SAV1: variants seen among roughly 807,000 people sequenced by gnomAD.
The protein encoded by SAV1 is salvador family WW domain containing protein 1.
SAV1 carries 23 observed loss-of-function variants against 47.3 expected under a neutral mutation model. That is an observed-to-expected ratio of 0.49 (90% CI 0.35 to 0.69). The LOEUF (loss-of-function observed/expected upper bound fraction) is 0.69. SAV1 is among the 30% of genes least tolerant of loss of function. SAV1 has a pLI of 0.01. For synonymous variants in SAV1, 155 were observed against 159.2 expected, an observed-to-expected ratio of 0.97 and a Z score of 0.20; for missense variants, 448 against 457.4, an observed-to-expected ratio of 0.98 and a Z score of 0.19.
In SAV1 at chr14:50,635,221, G is replaced by A. The variant is rs753573845; in HGVS notation, c.1114C>T (p.Gln372Ter). The change falls in exon 5 of 5, where the codon CAG (glutamine) becomes TAG (stop). Residue 372 changes from glutamine (Q) to a stop codon, truncating the protein, a stop_gained. Coordinates refer to ENST00000324679, the MANE Select transcript of SAV1 (RefSeq NM_021818.4). LOFTEE classifies it high-confidence loss of function. ...CCATGTTGTTGGGCATACCACTGCT[G>A]TCTCTGCTTTCGGTTTTCCAACTCT... is the stretch of plus-strand genomic sequence containing the variant. ...LTELENRKQR[Q>*]QWYAQQHGKN... 3.4e-5 allele frequency: 55 copies of A among 1,613,970 alleles called. No homozygotes were observed. The highest frequency in any genetic ancestry group is 4.5e-5 in the Non-Finnish European group (53 of 1,180,014).
At chr14:50,654,741 G>A (rs1199302645) in intron 2 of SAV1, among the ~76,000 whole-genome samples, 1 of 152,148 alleles carries the variant, frequency 6.6e-6, no homozygotes, top group Non-Finnish European at 1.5e-5. Context: ...ATCATTAATG[G>A]CTGCCAAAAA....
At position 50,645,362 on chromosome 14, in the gene SAV1, G is replaced by A. The variant is rs371736252; in HGVS notation, c.536-348C>T. On this transcript the variant is annotated intron_variant, in intron 2 of 4. Transcript: ENST00000324679. Reference sequence around the variant, plus strand: ...TTCGAGAGCTGACATGTTGCCACAAGCAGAAAATTCCACACCTGACCTTAT... The same window carrying A: ...TTCGAGAGCTGACATGTTGCCACAAACAGAAAATTCCACACCTGACCTTAT... Among the ~76,000 whole-genome samples the A allele has an allele frequency of 1.1e-4, 16 of 152,176 alleles. No homozygotes were observed. The East Asian group carries it at 3.1e-3, about 29-fold the overall frequency.
At chr14:50,652,663 CT>C (rs1171595447) in intron 2 of SAV1, among the ~76,000 whole-genome samples, 7 of 152,188 alleles carry the variant, frequency 4.6e-5, no homozygotes, top group Non-Finnish European at 1.0e-4. Flanking sequence ...ACCAGCTCAT[CT>C]TGGAGAAACG....
In SAV1 at chr14:50,644,760, G is replaced by A. The variant is rs773941001; in HGVS notation, c.790C>T (p.His264Tyr). The change falls in exon 3 of 5, where the codon CAT becomes TAT. Residue 264 changes from histidine (H) to tyrosine (Y), a missense_variant. Coordinates refer to ENST00000324679, the MANE Select transcript of SAV1 (RefSeq NM_021818.4). ...DHTNKKAQYR[H>Y]PCAPSVPRYD... ...ATACTGTACCTAGGAGCACAGGGAT[G>A]CCTGTATTGGGCCTTCTTATTTGTG... 2 of 1,613,902 alleles carry A rather than the reference G, an allele frequency of 1.2e-6. No individual in the cohort carries two copies. Among genetic ancestry groups the A allele is most frequent in the Non-Finnish European group, 8.5e-7 (1 of 1,179,798 alleles).
At position 50,649,279 on chromosome 14, in the gene SAV1, C is replaced by T. The variant is rs377724614; in HGVS notation, c.536-4265G>A. Among the ~76,000 whole-genome samples the T allele has an allele frequency of 1.4e-3, 217 of 152,282 alleles. 5 individuals carry two copies. The South Asian group carries it at 0.042, about 29-fold the overall frequency. ...TTTAAAAAGCACTTTAACCTTTTAACTTATGTAATTTTAGTTTGTTTATTT... is the reference window on the plus strand; with the variant it reads ...TTTAAAAAGCACTTTAACCTTTTAATTTATGTAATTTTAGTTTGTTTATTT... On this transcript the variant is annotated intron_variant, in intron 2 of 4. Transcript: ENST00000324679.
chr14:50,660,743 T>C (rs566602836), intron 2 of SAV1, among the ~76,000 whole-genome samples: 1 of 152,308 alleles, frequency 6.6e-6, no homozygotes, highest in Admixed American at 6.5e-5. Flanking sequence ...CCTACCTCTC[T>C]TTACCTCCCC....
rs770563818 is a variant in SAV1, at chr14:50,667,911, C to T, written c.57G>A (p.Gly19=). The change falls in exon 1 of 5, where the codon GGG becomes GGA. Residue 19 remains glycine, a synonymous_variant. Transcript: ENST00000324679. ...NEVSKPAEVQ[G]KYVKKETSPL... is the part of the protein sequence containing the mutation. ...GCGACGTCTCCTTCTTCACGTACTT[C>T]CCCTGCACCTCGGCCGGCTTGGACA... The T allele has an allele frequency of 6.2e-7, 1 of 1,613,182 alleles. No individual in the cohort carries two copies. Among genetic ancestry groups the T allele is most frequent in the Non-Finnish European group, 8.5e-7 (1 of 1,179,542 alleles).
chr14:50,645,706 G>T (rs909467074), intron 2 of SAV1, among the ~76,000 whole-genome samples: 14 of 46,868 alleles, frequency 3.0e-4, no homozygotes, highest in Non-Finnish European at 6.8e-4. Flanking sequence ...AATTTCCCCT[G>T]ATTAAAGATT....
chr14:50,657,024 C>CA (rs1446880026), intron 2 of SAV1, among the ~76,000 whole-genome samples: 1 of 122,250 alleles, frequency 8.2e-6, no homozygotes, highest in Non-Finnish European at 1.7e-5. Context: ...AAAACACTCA[C>CA]TTTTTTTTTT....
At position 50,665,483 on chromosome 14, in the gene SAV1, T is replaced by A; in HGVS notation, c.231A>T (p.Pro77=). The A allele has an allele frequency of 1.2e-6, 2 of 1,614,070 alleles. No homozygotes were observed. The highest frequency in any genetic ancestry group is 1.7e-6 in the Non-Finnish European group (2 of 1,179,934). The stretch of plus-strand genomic sequence containing the variant: ...TTATTTCATGAGGTGTTCTTTGAAT[T>A]GGAGTTCTAAGGAAACTCTGGTTTC... ...VSRNQSFLRT[P]IQRTPHEIMR... The change falls in exon 2 of 5, where the codon CCA becomes CCT. Residue 77 remains proline, a synonymous_variant. Transcript: ENST00000324679.
chr14:50,637,491 G>A (rs1009748293), intron 4 of SAV1, among the ~76,000 whole-genome samples: 1 of 151,980 alleles, frequency 6.6e-6, no homozygotes, highest in Non-Finnish European at 1.5e-5. Context: ...TTTATACCAG[G>A]TGAACTACAA....
chr14:50,653,037 A>C (rs2039782434), intron 2 of SAV1, among the ~76,000 whole-genome samples: 1 of 152,184 alleles, frequency 6.6e-6, no homozygotes, highest in African/African-American at 2.4e-5. Flanking sequence ...AAAAAAAAAG[A>C]AATTGAAAAA....
chr14:50,659,073 ATTT>A lies in SAV1; in HGVS notation c.535+6103_535+6105del, dbSNP rs33946852. 8.8e-3 allele frequency among the ~76,000 whole-genome samples: 1,156 copies of A among 131,108 alleles called. 14 individuals are homozygous for A. Among genetic ancestry groups the A allele is most frequent in the African/African-American group, 0.026 (865 of 33,626 alleles). 86.0% of individuals were successfully genotyped at this position (131,108 alleles called of 152,430 possible). The stretch of plus-strand genomic sequence containing the variant: ...AGCAGTGTATCAACTGCTGTAAAGA[ATTT>A]TTTTTTTTTTTTTTTTTTGGTTGGG... On this transcript the variant is annotated intron_variant, in intron 2 of 4. Coordinates refer to ENST00000324679, the MANE Select transcript of SAV1 (RefSeq NM_021818.4).
intron 2 of SAV1, among the ~76,000 whole-genome samples, chr14:50,663,654 T>G (rs1193502808): frequency 6.6e-6 from 1 of 152,146 alleles, no homozygotes; most frequent in Non-Finnish European, 1.5e-5. Flanking sequence ...AAACTCTAAT[T>G]CTCATTTTTC....
intron 2 of SAV1, among the ~76,000 whole-genome samples, chr14:50,658,941 A>T (rs564341270): frequency 2.0e-5 from 3 of 152,294 alleles, no homozygotes; most frequent in Admixed American, 2.0e-4. Context: ...CTGCAACTTT[A>T]GAGATTCCTT....
intron 3 of SAV1, 77 bp from the exon 4 acceptor site, chr14:50,640,970 C>A: frequency 7.3e-7 from 1 of 1,371,538 alleles, no homozygotes; most frequent in Admixed American, 2.2e-5. Context: ...ACAAATAATA[C>A]TTAAGCATTT....
intron 2 of SAV1, among the ~76,000 whole-genome samples, chr14:50,658,884 G>C (rs1171062921): frequency 6.6e-6 from 1 of 152,092 alleles, no homozygotes; most frequent in African/African-American, 2.4e-5. Flanking sequence ...GGAAGAGGCA[G>C]TTATTAGGCT....
intron 1 of SAV1, among the ~76,000 whole-genome samples, chr14:50,666,210 A>G (rs972120798): frequency 6.6e-6 from 1 of 152,242 alleles, no homozygotes; most frequent in Non-Finnish European, 1.5e-5. Context: ...AAATTTATGT[A>G]TGAAAATTGA....
At chr14:50,664,547 A>G (rs1471974889) in intron 2 of SAV1, 1 of 152,198 alleles carries the variant, frequency 6.6e-6, no homozygotes, top group Admixed American at 6.5e-5. Flanking sequence ...CCAACTCAGG[A>G]GATATGGAAA....
Sources: gnomAD v4.1 joint callset for allele counts (sites outside exome capture counted in the v4.1 genomes callset) on GRCh38, gnomAD v4.1.1 for gene constraint, MANE v1.5 for transcripts, NCBI Gene and HGNC (gene_info 2026-07-23, HGNC 2026-07-21) for gene names.